The following EPN3 variants were observed in gnomAD, a reference collection of about 807,000 sequenced individuals.
EPN3 encodes the protein epsin-3.
A neutral mutation model predicts 55.5 loss-of-function variants in EPN3; 56 were observed. The ratio of observed to expected loss-of-function variants is 1.01; its 90% CI spans 0.81 to 1.26. The LOEUF is 1.26. EPN3 is among the 50% of genes most tolerant of loss of function. The probability of loss-of-function intolerance (pLI) is 0.00; values close to 1 mark genes in which losing one functional copy is unlikely to be tolerated. For synonymous variants in EPN3, 449 were observed against 375.2 expected (o/e 1.20, Z -2.27); for missense variants, 927 against 853.4 (o/e 1.09, Z -1.07).
chr17:50,538,341 T>A (rs751733989), intron 3 of EPN3, 144 bp downstream of exon 3: 13 of 631,268 alleles, frequency 2.1e-5, no homozygotes, highest in Non-Finnish European at 3.3e-5. Flanking sequence ...ATTATCTCTG[T>A]CGGTTTGTCG....
intron 1 of EPN3, among the ~76,000 whole-genome samples, chr17:50,535,746 C>A (rs2034750169): frequency 1.3e-5 from 2 of 152,182 alleles, no homozygotes; most frequent in Non-Finnish European, 2.9e-5. Context: ...GGCATGGTGC[C>A]TGGCTCAGAA....
At position 50,542,208 on chromosome 17, in the gene EPN3, C is replaced by T. The variant is rs1317220389; in HGVS notation, c.*51C>T. ...GCGCCTGCGCCGGACGCTCCGCGGC[C>T]CCGCCTCCGGACCCGGGGCTGGGCG... On this transcript the variant is annotated 3_prime_UTR_variant, in exon 10 of 10. Transcript: ENST00000268933. The T allele has an allele frequency of 2.1e-6, 3 of 1,413,816 alleles. No homozygotes were observed. The highest frequency in any genetic ancestry group is 2.7e-6 in the Non-Finnish European group (3 of 1,094,220). 87.6% of individuals were successfully genotyped at this position (1,413,816 alleles called of 1,614,324 possible).
chr17:50,538,412 T>C (rs1597861908), intron 3 of EPN3: 1 of 567,736 alleles, frequency 1.8e-6, no homozygotes, highest in African/African-American at 1.9e-5. Flanking sequence ...GGGTGGCGAG[T>C]GTACAATTAG....
rs2034811684 is a variant in EPN3 at position 50,539,267 on chromosome 17, G to A, written c.843G>A (p.Glu281=). 4 of 1,614,086 alleles carry A rather than the reference G, an allele frequency of 2.5e-6. No homozygotes were observed. Among genetic ancestry groups the A allele is most frequent in the Non-Finnish European group, 3.4e-6 (4 of 1,180,040 alleles). ...TGGTCCACCATCAGCGGGACAGAGA[G>A]CCTGAGAGAGAAGAGAGAAAGGAGG... ...GAVVHHQRDR[E]PEREERKEEE... Residue 281 remains glutamate, a synonymous_variant, in exon 5 of 10, where the codon GAG becomes GAA. Coordinates refer to ENST00000268933, the MANE Select transcript of EPN3 (RefSeq NM_017957.3).
At chr17:50,539,093 C>A (rs2034808250) in intron 4 of EPN3, 94 bp from the exon 5 acceptor site, 2 of 1,576,836 alleles carry the variant, frequency 1.3e-6, no homozygotes, top group Non-Finnish European at 1.7e-6. Context: ...CTGCCTCCCA[C>A]CCTGCACTCT....
At chr17:50,539,381 A>G in intron 5 of EPN3, 66 bp downstream of exon 5, 2 of 1,605,560 alleles carry the variant, frequency 1.2e-6, no homozygotes, top group Non-Finnish European at 1.7e-6. Context: ...ATTTGTAAAG[A>G]GAGAGCAGAG....
intron 4 of EPN3, 33 bp downstream of exon 4, chr17:50,538,997 T>A (rs894917531): frequency 6.4e-7 from 1 of 1,566,020 alleles, no homozygotes; most frequent in African/African-American, 1.4e-5. Context: ...CTGCCGGTGC[T>A]GCTGCTGCTG....
chr17:50,540,770 T>C (rs1188877387), intron 6 of EPN3, 23 bp from the exon 7 acceptor site: 1 of 1,591,696 alleles, frequency 6.3e-7, no homozygotes, highest in Admixed American at 1.7e-5. Flanking sequence ...CCTGGGATCA[T>C]GTCTATGCTG....
At chr17:50,538,263 C>T in intron 3 of EPN3, 66 bp downstream of exon 3, 2 of 1,341,240 alleles carry the variant, frequency 1.5e-6, no homozygotes, top group Non-Finnish European at 2.1e-6. Flanking sequence ...GCCTGGGAGC[C>T]CCTTGGCCTT....
At chr17:50,534,602 T>C (rs1419029427) in intron 1 of EPN3, 26 of 985,166 alleles carry the variant, frequency 2.6e-5, no homozygotes, top group Non-Finnish European at 2.9e-5. Context: ...GCCGTGGCAT[T>C]CCCACAGAAG....
rs1469457929 is a variant in EPN3 at position 50,536,485 on chromosome 17, AC to A, written c.-70del. The A allele has an allele frequency of 2.5e-6, 4 of 1,597,608 alleles. No homozygotes were observed. The Admixed American group carries it at 7.0e-5, about 28-fold the overall frequency. ...CGGCAGCCCATCCTTCAAGACTGTG[AC>A]CTCGCCACAGTGGCCCTCAGCCCTC... On this transcript the variant is annotated 5_prime_UTR_variant, in exon 2 of 10. Coordinates refer to ENST00000268933, the MANE Select transcript of EPN3 (RefSeq NM_017957.3).
intron 1 of EPN3, chr17:50,534,729 A>C: frequency 2.3e-6 from 2 of 860,934 alleles, no homozygotes; most frequent in Non-Finnish European, 2.8e-6. Flanking sequence ...CCCCAACAAA[A>C]CCTGCCAAGG....
At position 50,540,262 on chromosome 17, in the gene EPN3, T is replaced by TTGGCTGACATCTTCGTACCTGCCC; in HGVS notation, c.912_935dup (p.Asp305_Ala312dup). 6.2e-7 allele frequency: 1 copy of TTGGCTGACATCTTCGTACCTGCCC among 1,612,558 alleles called. No homozygotes were observed. ...CCCTCCACAGTCCTCCATCCTGGAC[T>TTGGCTGACATCTTCGTACCTGCCC]TGGCTGACATCTTCGTACCTGCCCT... On this transcript the variant is annotated inframe_insertion, in exon 6 of 10. Coordinates refer to ENST00000268933, the MANE Select transcript of EPN3 (RefSeq NM_017957.3).
intron 1 of EPN3, among the ~76,000 whole-genome samples, chr17:50,534,807 G>A (rs1302431076): frequency 4.6e-5 from 7 of 152,214 alleles, no homozygotes; most frequent in Non-Finnish European, 5.9e-5. Context: ...TGGAAGGAGC[G>A]TGGAATCGGG....
At chr17:50,537,744 C>A (rs1201190451) in intron 2 of EPN3, among the ~76,000 whole-genome samples, 2 of 152,234 alleles carry the variant, frequency 1.3e-5, no homozygotes, top group Non-Finnish European at 2.9e-5. Flanking sequence ...CCTATCCTTG[C>A]ACCTCCCTTG....
At position 50,532,945 on chromosome 17, in the gene EPN3, TACTCGG is replaced by T; in HGVS notation, c.-176_-171del. The T allele has an allele frequency of 7.8e-7, 1 of 1,285,872 alleles. No homozygotes were observed. Among genetic ancestry groups the T allele is most frequent in the Non-Finnish European group, 1.0e-6 (1 of 987,436 alleles). 79.7% of individuals were successfully genotyped at this position (1,285,872 alleles called of 1,614,324 possible). ...CAGGTCGGAGGGTCACCGCAGAGGC[TACTCGG>T]GCTGGGGCTGGGGCCGAGGGAGCCC... is the stretch of plus-strand genomic sequence containing the variant. On this transcript the variant is annotated 5_prime_UTR_variant, in exon 1 of 10. Transcript: ENST00000268933.
chr17:50,538,807 C>A, intron 3 of EPN3, 77 bp from the exon 4 acceptor site: 1 of 1,118,788 alleles, frequency 8.9e-7, no homozygotes, highest in Non-Finnish European at 1.3e-6. Context: ...ATCCCCATGA[C>A]CCAGGCAGGC....
intron 1 of EPN3, 85 bp downstream of exon 1, chr17:50,533,070 T>TA: frequency 1.2e-6 from 1 of 862,966 alleles, no homozygotes; most frequent in Non-Finnish European, 1.6e-6. Flanking sequence ...TTCTGGGGCT[T>TA]AGTCTCTTTT....
intron 1 of EPN3, chr17:50,534,619 G>A (rs1211413948): frequency 8.1e-6 from 8 of 985,356 alleles, no homozygotes; most frequent in African/African-American, 1.7e-5. Context: ...GAAGGCCCAC[G>A]ACCCGCTGGA....
Sources: gnomAD v4.1 joint callset for allele counts (sites outside exome capture counted in the v4.1 genomes callset) on GRCh38, gnomAD v4.1.1 for gene constraint, MANE v1.5 for transcripts, NCBI Gene and HGNC (gene_info 2026-07-23, HGNC 2026-07-21) for gene names.